Variants in MGAM observed in about 807,000 individuals in gnomAD.
MGAM encodes alpha-1,4-glucosidase.
Under a neutral mutation model 358.8 loss-of-function variants are expected in MGAM, and 253 were observed. The observed-to-expected ratio is 0.71, with a 90% CI of 0.64 to 0.78. The LOEUF is 0.78. Among genes scored for constraint, MGAM ranks in the 30% least tolerant of loss-of-function variants. The pLI is 0.00. For synonymous variants in MGAM, 1,105 were observed against 1,227.1 expected (o/e 0.90, Z 2.08); for missense variants, 3,080 against 3,432.6 (o/e 0.90, Z 2.57).
intron 51 of MGAM, 29 bp downstream of exon 51, chr7:142,082,239 C>T: frequency 6.5e-7 from 1 of 1,540,352 alleles, no homozygotes; most frequent in Non-Finnish European, 8.9e-7. Context: ...AGATCTGTGT[C>T]TCTGCTTCTC....
intron 70 of MGAM, among the ~76,000 whole-genome samples, chr7:142,104,111 C>G (rs936339482): frequency 9.2e-5 from 14 of 152,184 alleles, no homozygotes; most frequent in African/African-American, 3.4e-4. Flanking sequence ...CTTGGCCTCC[C>G]AAAGTGCTGA....
rs782797990 is a variant in MGAM at position 142,036,963 on chromosome 7, G to A, written c.2217G>A (p.Arg739=). 5.6e-6 allele frequency: 9 copies of A among 1,612,900 alleles called. No individual in the cohort carries two copies. The highest frequency in any genetic ancestry group is 5.1e-6 in the Non-Finnish European group (6 of 1,179,398). ...ACAGCCGAGGGGACACGGTGGCCAGGCCCCTTTTGCATGAGTAAGTTCACC... is the reference window on the plus strand; with the variant it reads ...ACAGCCGAGGGGACACGGTGGCCAGACCCCTTTTGCATGAGTAAGTTCACC... The part of the protein sequence containing the change: ...RAHSRGDTVA[R]PLLHEFYEDN... The change falls in exon 18 of 71, where the codon AGG becomes AGA. Residue 739 remains arginine, a synonymous_variant. Coordinates refer to ENST00000475668, the MANE Select transcript of MGAM (RefSeq NM_001365693.1).
At chr7:142,022,566 G>GT (rs1806564054) in intron 7 of MGAM, 127 bp downstream of exon 7, 6 of 1,011,426 alleles carry the variant, frequency 5.9e-6, no homozygotes, top group Non-Finnish European at 8.3e-6. Flanking sequence ...TTGAATTCTA[G>GT]TCTTGCTATT....
chr7:142,085,711 C>T lies in MGAM; in HGVS notation c.6508-122C>T, dbSNP rs1453185681. 2.7e-5 allele frequency: 35 copies of T among 1,281,944 alleles called. 8 individuals carry two copies. The highest frequency in any genetic ancestry group is 1.1e-4 in the East Asian group (4 of 37,912). The allele number at this position is 1,281,944 out of a possible 1,614,324, so 79.4% of individuals were successfully genotyped here. ...CCTGTACCTAACAAATGGCAGAGCT[C>T]GGACTTGAAAGCATCAACAAGAAGC... On this transcript the variant is annotated intron_variant, in intron 54 of 70. Transcript: ENST00000475668.
At position 142,062,642 on chromosome 7, in the gene MGAM, A is replaced by G; in HGVS notation, c.4197A>G (p.Glu1399=). The change falls in exon 35 of 71, where the codon GAA becomes GAG. Residue 1399 remains glutamate, a synonymous_variant. Transcript: ENST00000475668. ...CCAAGTGGTGGAAGAGGGAAATAGA[A>G]GAACTATACAACAATCCACAGAATC... is the stretch of plus-strand genomic sequence containing the variant. ...STAKWWKREI[E]ELYNNPQNPE... The G allele has an allele frequency of 6.2e-7, 1 of 1,613,002 alleles. No homozygotes were observed. The highest frequency in any genetic ancestry group is 8.5e-7 in the Non-Finnish European group (1 of 1,179,258).
At chr7:142,045,568 A>AAT (rs199839242) in intron 21 of MGAM, among the ~76,000 whole-genome samples, 75,803 of 80,102 alleles carry the variant, frequency 0.95, 36,898 homozygotes, top group Non-Finnish European at 0.99. Flanking sequence ...ATGAATATAT[A>AAT]ATATATATTA....
intron 22 of MGAM, among the ~76,000 whole-genome samples, chr7:142,048,516 A>ATTTTTTTTTTTTTTTTTTTTTTTTTTT (rs1563163857): frequency 1.3e-5 from 2 of 152,054 alleles, no homozygotes; most frequent in South Asian, 2.1e-4. Context: ...CCGTAACCCA[A>ATTTTTTTTTTTTTTTTTTTTTTTTTTT]TGTTAATGTC....
chr7:142,008,891 G>A (rs1310818160), intron 3 of MGAM, among the ~76,000 whole-genome samples, 186 bp downstream of exon 3: 1 of 152,108 alleles, frequency 6.6e-6, no homozygotes, highest in East Asian at 1.9e-4. Context: ...TTCAGGAAAG[G>A]AAGACCTGGA....
At chr7:142,082,764 A>C (rs1326289384) in intron 52 of MGAM, among the ~76,000 whole-genome samples, 193 bp downstream of exon 52, 3 of 144,968 alleles carry the variant, frequency 2.1e-5, no homozygotes, top group African/African-American at 7.3e-5. Context: ...ATTTAACCCA[A>C]CTCTTATTTT....
chr7:142,094,895 A>T, intron 63 of MGAM, 32 bp downstream of exon 63: 1 of 1,600,706 alleles, frequency 6.2e-7, no homozygotes, highest in Non-Finnish European at 8.6e-7. Flanking sequence ...CCAGTGTTTC[A>T]CTTGAAACAC....
chr7:142,074,162 G>C lies in MGAM; in HGVS notation c.5264G>C (p.Gly1755Ala). 6.5e-7 allele frequency: 1 copy of C among 1,532,986 alleles called. No individual in the cohort carries two copies. The highest frequency in any genetic ancestry group is 1.3e-5 in the African/African-American group (1 of 74,540). 95.0% of individuals were successfully genotyped at this position (1,532,986 alleles called of 1,614,324 possible). The change falls in exon 45 of 71, where the codon GGG (glycine) becomes GCG (alanine). Residue 1755 changes from glycine to alanine, a missense_variant. Coordinates refer to ENST00000475668, the MANE Select transcript of MGAM (RefSeq NM_001365693.1). Reference protein sequence around the residue: ...EAKGELFWDDGQTKDTVAKKV... With the variant: ...EAKGELFWDDAQTKDTVAKKV... ...AAAGGAGAACTTTTCTGGGATGATG[G>C]GCAAACAAAGGGTGAGCGCTGTTAC...
At chr7:142,043,643 C>A (rs1234364997) in intron 21 of MGAM, among the ~76,000 whole-genome samples, 3 of 131,558 alleles carry the variant, frequency 2.3e-5, no homozygotes, top group Admixed American at 8.4e-5. Flanking sequence ...TATACATATA[C>A]TATCTAATAT....
intron 24 of MGAM, among the ~76,000 whole-genome samples, chr7:142,051,387 G>T (rs111888560): frequency 0.025 from 3,860 of 152,174 alleles, 161 homozygotes; most frequent in African/African-American, 0.088. Flanking sequence ...GGGACTAGTA[G>T]AACAGGGAAG....
chr7:142,071,137 G>A lies in MGAM; in HGVS notation c.5186+19G>A. 3 of 1,541,284 alleles carry A rather than the reference G, an allele frequency of 1.9e-6. 1 individual carries two copies. Among genetic ancestry groups the A allele is most frequent in the Non-Finnish European group, 2.7e-6 (3 of 1,123,352 alleles). On this transcript the variant is annotated intron_variant, in intron 44 of 70. Transcript: ENST00000475668. ...ACTTAAGGTGAATGACAGGACTCAG[G>A]TTTTCCTTTACATTTCAGTTAGCTC...
At chr7:142,095,930 G>A in intron 64 of MGAM, 2 of 739,988 alleles carry the variant, frequency 2.7e-6, no homozygotes, top group African/African-American at 1.8e-5. Flanking sequence ...AAATGATGCA[G>A]TATAGCATAG....
At chr7:142,051,214 G>A (rs1272250973) in intron 24 of MGAM, among the ~76,000 whole-genome samples, 1 of 152,110 alleles carries the variant, frequency 6.6e-6, no homozygotes, top group Non-Finnish European at 1.5e-5. Flanking sequence ...GCACAAATAA[G>A]AATTGGTATT....
At chr7:142,055,829 G>A in intron 28 of MGAM, 103 bp downstream of exon 28, 1 of 1,555,502 alleles carries the variant, frequency 6.4e-7, no homozygotes, top group South Asian at 1.2e-5. Context: ...ATCACATTCT[G>A]CTTTTAGGCA....
intron 34 of MGAM, among the ~76,000 whole-genome samples, chr7:142,061,239 G>A (rs928500644): frequency 5.3e-5 from 8 of 152,236 alleles, no homozygotes; most frequent in Admixed American, 3.3e-4. Flanking sequence ...CGTGTACCCC[G>A]TATGGGATAG....
At chr7:142,010,248 G>A (rs978359016) in intron 3 of MGAM, among the ~76,000 whole-genome samples, 3 of 152,004 alleles carry the variant, frequency 2.0e-5, no homozygotes, top group East Asian at 3.9e-4. Context: ...AAGATCACTC[G>A]ATTATCTAAC....
Sources: gnomAD v4.1 joint callset for allele counts (sites outside exome capture counted in the v4.1 genomes callset) on GRCh38, gnomAD v4.1.1 for gene constraint, MANE v1.5 for transcripts, NCBI Gene and HGNC (gene_info 2026-07-23, HGNC 2026-07-21) for gene names.